PRAMEF14: variants seen among roughly 807,000 people sequenced by gnomAD.
PRAMEF14 encodes PRAME family member 14.
A neutral mutation model predicts 38.3 loss-of-function variants in PRAMEF14; 24 were observed. That is an observed-to-expected ratio of 0.63 (90% CI 0.45 to 0.88). The LOEUF (loss-of-function observed/expected upper bound fraction) is 0.88. Among genes scored for constraint, PRAMEF14 ranks in the 40% least tolerant of loss-of-function variants. The pLI, the probability that PRAMEF14 is intolerant of heterozygous loss-of-function variation, is 0.00. For missense variants in PRAMEF14, 477 were observed against 570.8 expected (o/e 0.84, Z 1.67); for synonymous variants, 194 against 226.4 (o/e 0.86, Z 1.29).
chr1:13,343,400 A>G (rs1335285061), intron 3 of PRAMEF14, among the ~76,000 whole-genome samples: 2 of 149,322 alleles, frequency 1.3e-5, no homozygotes, highest in Non-Finnish European at 3.0e-5. Flanking sequence ...AGATGTGAAC[A>G]AAGAACTCAA....
At position 13,343,413 on chromosome 1, in the gene PRAMEF14, C is replaced by T. The variant is rs1317179063; in HGVS notation, c.867-327G>A. 5.9e-6 allele frequency: 3 copies of T among 510,912 alleles called. No homozygotes were observed. In the South Asian group the frequency reaches 6.3e-5, roughly 11 times the overall value. The allele number at this position is 510,912 out of a possible 1,614,324, so 31.6% of individuals were successfully genotyped here. ...GGAGATGTGAACAAAGAACTCAACTCAGCAAGGTCTAGGGACATCAGCTAG... is the reference window on the plus strand; with the variant it reads ...GGAGATGTGAACAAAGAACTCAACTTAGCAAGGTCTAGGGACATCAGCTAG... On this transcript the variant is annotated intron_variant, in intron 3 of 3. Transcript: ENST00000334600.
intron 2 of PRAMEF14, 113 bp from the exon 3 acceptor site, chr1:13,344,729 T>C (rs1477151277): frequency 4.0e-6 from 6 of 1,488,548 alleles, no homozygotes; most frequent in Non-Finnish European, 5.5e-6. Flanking sequence ...CCCTGTTCTC[T>C]TTGTCTTTTC....
At position 13,345,311 on chromosome 1, in the gene PRAMEF14, T is replaced by C. The variant is rs1640387474; in HGVS notation, c.4A>G (p.Ser2Gly). 2 of 1,605,680 alleles carry C rather than the reference T, an allele frequency of 1.2e-6. No homozygotes were observed. Among genetic ancestry groups the C allele is most frequent in the East Asian group, 4.7e-5 (2 of 42,124 alleles). ...AGGAGTCTGGGTGGGGCCTGGATGC[T>C]CATCCTGATAGATCTGCAAGAAAAA... M[S>G]IQAPPRLLEL... The change falls in exon 2 of 4, where the codon AGC becomes GGC. Residue 2 changes from serine to glycine, a missense_variant. Physicochemically the swap from Ser to Gly is moderately conservative, Grantham distance 56. Coordinates refer to ENST00000334600, the MANE Select transcript of PRAMEF14 (RefSeq NM_001024661.2).
chr1:13,342,852 A>G lies in PRAMEF14; in HGVS notation c.1101T>C (p.Ser367=). Residue 367 remains serine (S), a synonymous_variant, in exon 4 of 4, where the codon AGT becomes AGC. Coordinates refer to ENST00000334600, the MANE Select transcript of PRAMEF14 (RefSeq NM_001024661.2). ...EGCQIHYSQL[S]AILPGLSHCS... is the part of the protein sequence containing the mutation. ...AGTGGCTCAGGCCAGGCAGGATGGC[A>G]CTGAGTTGGGAGTAGTGGATCTGAC... 1.2e-6 allele frequency: 2 copies of G among 1,609,084 alleles called. No individual in the cohort carries two copies. Among genetic ancestry groups the G allele is most frequent in the South Asian group, 1.1e-5 (1 of 90,832 alleles).
chr1:13,343,297 G>A (rs1227133674), intron 3 of PRAMEF14, among the ~76,000 whole-genome samples: 1 of 148,298 alleles, frequency 6.7e-6, no homozygotes, highest in Non-Finnish European at 1.5e-5. Flanking sequence ...TTGTGTGATT[G>A]GTTCAAGGCC....
intron 3 of PRAMEF14, chr1:13,343,467 A>G: frequency 1.7e-6 from 1 of 583,506 alleles, no homozygotes; most frequent in Admixed American, 2.6e-5. Context: ...GCTCCCTGAC[A>G]TGCCTGCATC....
At chr1:13,346,206 T>C (rs1454556802) in intron 1 of PRAMEF14, among the ~76,000 whole-genome samples, 1 of 150,860 alleles carries the variant, frequency 6.6e-6, no homozygotes, top group African/African-American at 2.4e-5. Context: ...TTGGAAGGTA[T>C]GTATAGAAAT....
chr1:13,346,814 A>C (rs1640410166), intron 1 of PRAMEF14, among the ~76,000 whole-genome samples: 1 of 150,504 alleles, frequency 6.6e-6, no homozygotes, highest in Non-Finnish European at 1.5e-5. Context: ...GTCACTGTAA[A>C]TTTTTAATAT....
chr1:13,342,825 G>T lies in PRAMEF14; in HGVS notation c.1128C>A (p.Cys376Ter). 3 of 1,608,208 alleles carry T rather than the reference G, an allele frequency of 1.9e-6. No homozygotes were observed. The highest frequency in any genetic ancestry group is 2.5e-6 in the Non-Finnish European group (3 of 1,179,112). ...CAAAGTAGAAGGTGGTGAGCTGGGA[G>T]CAGTGGCTCAGGCCAGGCAGGATGG... ...LSAILPGLSH[C>*]SQLTTFYFGR... is the part of the protein sequence containing the mutation. The change falls in exon 4 of 4, where the codon TGC becomes TGA. Residue 376 changes from cysteine to a stop codon, truncating the protein, a stop_gained. Coordinates refer to ENST00000334600, the MANE Select transcript of PRAMEF14 (RefSeq NM_001024661.2). LOFTEE classifies it high-confidence loss of function.
rs1467608816 is a variant in PRAMEF14, at chr1:13,344,060, C to CA, written c.843dup (p.Gly282TrpfsTer57). The CA allele has an allele frequency of 6.2e-7, 1 of 1,608,586 alleles. No individual in the cohort carries two copies. The highest frequency in any genetic ancestry group is 1.3e-5 in the African/African-American group (1 of 74,704). ...CACCTGATCAGCTGTTCCAGGTGCC[C>CA]ACTGAAGAAGGTGATCAATTTTATT... On this transcript the variant is annotated frameshift_variant, in exon 3 of 4. Transcript: ENST00000334600. LOFTEE classifies it high-confidence loss of function.
In PRAMEF14 at chr1:13,347,131, G is replaced by T. The variant is rs1268574362; in HGVS notation, c.-100C>A. ...CAGTAGCTCCAGGAATGAGTGCTGT[G>T]GGTCTCTTCTGGGTACCCTCAGGAG... On this transcript the variant is annotated 5_prime_UTR_variant, in exon 1 of 4. Coordinates refer to ENST00000334600, the MANE Select transcript of PRAMEF14 (RefSeq NM_001024661.2). The T allele has an allele frequency of 6.7e-6, 1 of 149,982 alleles. No individual in the cohort carries two copies. Among genetic ancestry groups the T allele is most frequent in the African/African-American group, 2.4e-5 (1 of 41,120 alleles). The allele number at this position is 149,982 out of a possible 1,614,324, so 9.3% of individuals were successfully genotyped here. A position where few individuals can be genotyped will look rare whatever the true frequency, so the allele number is the denominator to read the frequency against.
intron 2 of PRAMEF14, 133 bp downstream of exon 2, chr1:13,344,895 A>G: frequency 6.5e-7 from 1 of 1,547,386 alleles, no homozygotes; most frequent in Non-Finnish European, 8.8e-7. Context: ...ACAATGGCCA[A>G]AGTCTCCCTG....
At chr1:13,343,223 G>C in intron 3 of PRAMEF14, 137 bp from the exon 4 acceptor site, 1 of 674,380 alleles carries the variant, frequency 1.5e-6, no homozygotes, top group Non-Finnish European at 2.5e-6. Context: ...GGAAGTTGCT[G>C]CATGATGAGG....
chr1:13,344,500 G>T lies in PRAMEF14; in HGVS notation c.404C>A (p.Ala135Glu). Reference sequence around the variant, plus strand: ...CTCTCCCATCCTTGGACAGTCCTCTGCTGTCTGCCTCTTACTCATGGTCTC... The same window carrying T: ...CTCTCCCATCCTTGGACAGTCCTCTTCTGTCTGCCTCTTACTCATGGTCTC... ...FPETMSKRQT[A>E]EDCPRMGEHQ... The change falls in exon 3 of 4, where the codon GCA becomes GAA. Residue 135 changes from alanine to glutamate, a missense_variant. By Grantham distance (107) the Ala-to-Glu change is moderately radical. Coordinates refer to ENST00000334600, the MANE Select transcript of PRAMEF14 (RefSeq NM_001024661.2). 6.2e-7 allele frequency: 1 copy of T among 1,607,410 alleles called. No individual in the cohort carries two copies. The highest frequency in any genetic ancestry group is 8.5e-7 in the Non-Finnish European group (1 of 1,178,926).
intron 2 of PRAMEF14, among the ~76,000 whole-genome samples, 184 bp from the exon 3 acceptor site, chr1:13,344,800 C>G (rs1640380098): frequency 6.6e-6 from 1 of 150,522 alleles, no homozygotes; most frequent in Non-Finnish European, 1.5e-5. Flanking sequence ...CACTTCTATT[C>G]CCTTTACCTT....
In PRAMEF14 at chr1:13,345,518, G is replaced by T. The variant is rs1420287184; in HGVS notation, c.-25-179C>A. Reference sequence around the variant, plus strand: ...CCCAGAACCACCGGACACTGCCACTGAGGATCCTGAAAGCCAAGCTCTACC... The same window carrying T: ...CCCAGAACCACCGGACACTGCCACTTAGGATCCTGAAAGCCAAGCTCTACC... On this transcript the variant is annotated intron_variant, in intron 1 of 3. Transcript: ENST00000334600. 4.0e-5 allele frequency among the ~76,000 whole-genome samples: 6 copies of T among 150,872 alleles called. 1 individual carries two copies. In the East Asian group the frequency reaches 1.3e-3, roughly 32 times the overall value.
chr1:13,344,066 A>G lies in PRAMEF14; in HGVS notation c.838T>C (p.Phe280Leu), dbSNP rs1449088421. 5.8e-5 allele frequency: 94 copies of G among 1,608,612 alleles called. 2 individuals carry two copies. The South Asian group carries it at 6.6e-4, about 11-fold the overall frequency. ...ATCAGCTGTTCCAGGTGCCCACTGA[A>G]GAAGGTGATCAATTTTATTTTAAGC... ...QLLKIKLITF[F>L]SGHLEQLIRC... Residue 280 changes from phenylalanine to leucine, a missense_variant, in exon 3 of 4, where the codon TTC (phenylalanine) becomes CTC (leucine). Around this residue, in one of 4 missense-constraint regions of PRAMEF14, gnomAD observed 234 missense variants for 247.4 expected, o/e 0.95. Transcript: ENST00000334600.
At position 13,342,855 on chromosome 1, in the gene PRAMEF14, G is replaced by C. The variant is rs1640348542; in HGVS notation, c.1098C>G (p.Leu366=). The C allele has an allele frequency of 6.2e-7, 1 of 1,609,176 alleles. No homozygotes were observed. Among genetic ancestry groups the C allele is most frequent in the African/African-American group, 1.3e-5 (1 of 74,816 alleles). The change falls in exon 4 of 4, where the codon CTC becomes CTG. Residue 366 remains leucine (L), a synonymous_variant. Transcript: ENST00000334600. ...LEGCQIHYSQ[L]SAILPGLSHC... is the part of the protein sequence containing the mutation. ...GGCTCAGGCCAGGCAGGATGGCACT[G>C]AGTTGGGAGTAGTGGATCTGACAGC...
chr1:13,345,357 G>C lies in PRAMEF14; in HGVS notation c.-25-18C>G. 1 of 1,600,502 alleles carries C rather than the reference G, an allele frequency of 6.2e-7. No homozygotes were observed. Among genetic ancestry groups the C allele is most frequent in the Non-Finnish European group, 8.5e-7 (1 of 1,175,030 alleles). On this transcript the variant is annotated intron_variant, in intron 1 of 3. Coordinates refer to ENST00000334600, the MANE Select transcript of PRAMEF14 (RefSeq NM_001024661.2). ...AAAAATCTCTAGAAGACAAATCCAG[G>C]GAAAATGTATCACTCTCATGGCAAA...
Sources: allele counts gnomAD v4.1 joint callset (sites outside exome capture counted in the v4.1 genomes callset), GRCh38; gene constraint gnomAD v4.1.1; regional missense constraint gnomAD v4.1.1; transcripts MANE v1.5; gene names NCBI Gene and HGNC (gene_info 2026-07-23, HGNC 2026-07-21).